Variants in DPP8 observed in about 807,000 individuals in gnomAD.
DPP8 encodes the protein DPP VIII.
A neutral mutation model predicts 107.5 loss-of-function variants in DPP8; 31 were observed. The observed-to-expected ratio is 0.29, with a 90% CI of 0.22 to 0.39. The LOEUF (loss-of-function observed/expected upper bound fraction) is 0.39, where lower values mean the gene tolerates loss of function less well. Ranked by LOEUF, DPP8 falls within the 10% of genes least tolerant of loss-of-function variation. The pLI, the probability that DPP8 is intolerant of heterozygous loss-of-function variation, is 1.00. For synonymous variants in DPP8, 381 were observed against 356.6 expected (o/e 1.07, Z -0.77); for missense variants, 842 against 1,076.1 (o/e 0.78, Z 3.04).
chr15:65,501,836 C>T (rs1162044770), intron 3 of DPP8, among the ~76,000 whole-genome samples: 1 of 152,188 alleles, frequency 6.6e-6, no homozygotes, highest in Non-Finnish European at 1.5e-5. Flanking sequence ...ACCCCAAAAC[C>T]TTGCTTGAAT....
chr15:65,468,265 T>G (rs1178147103), intron 12 of DPP8, among the ~76,000 whole-genome samples: 2 of 152,040 alleles, frequency 1.3e-5, no homozygotes, highest in Non-Finnish European at 2.9e-5. Context: ...GAGGCCGAAG[T>G]GAGAGGATCG....
At chr15:65,481,755 A>C (rs1044913442) in intron 8 of DPP8, 140 bp from the exon 9 acceptor site, 5 of 513,142 alleles carry the variant, frequency 9.7e-6, no homozygotes, top group Non-Finnish European at 1.3e-5. Context: ...AGGATATAGC[A>C]AATCTAGAAG....
chr15:65,486,363 T>C (rs181137059), intron 7 of DPP8, among the ~76,000 whole-genome samples: 1,670 of 151,360 alleles, frequency 0.011, 43 homozygotes, highest in African/African-American at 0.038. Context: ...GATTGTGCCA[T>C]TGCACTCCAG....
intron 11 of DPP8, chr15:65,475,742 TG>T: frequency 2.1e-6 from 1 of 475,210 alleles, no homozygotes; most frequent in Non-Finnish European, 3.9e-6. Context: ...AATGTCAACA[TG>T]CCCCATTTGT....
At chr15:65,490,908 C>T (rs2067964957) in intron 5 of DPP8, among the ~76,000 whole-genome samples, 1 of 152,016 alleles carries the variant, frequency 6.6e-6, no homozygotes, top group East Asian at 1.9e-4. Flanking sequence ...GCCTGTAATC[C>T]CAGCACTTTG....
Position 65,497,957 on chromosome 15 carries a change from C to G in DPP8, c.622G>C (p.Asp208His), listed in dbSNP as rs2068773641. The G allele has an allele frequency of 6.2e-7, 1 of 1,612,080 alleles. No homozygotes were observed. Among genetic ancestry groups the G allele is most frequent in the Non-Finnish European group, 8.5e-7 (1 of 1,178,692 alleles). The change falls in exon 5 of 20, where the codon GAT becomes CAT. Residue 208 changes from aspartate to histidine, a missense_variant. Asp to His is a moderately conservative substitution (Grantham distance 81). This residue lies in a region of DPP8 where 663 missense variants were observed against 758.0 expected (regional missense o/e 0.87). Coordinates refer to ENST00000300141, the MANE Select transcript of DPP8 (RefSeq NM_130434.5). ...TGTATAAAAGCAATCCAGTCTGGAT[C>G]AGCAGGGCATAATTTTGGATCCATC... is the stretch of plus-strand genomic sequence containing the variant. ...IRMDPKLCPA[D>H]PDWIAFIHSN...
chr15:65,481,083 C>CAAAA (rs61413262), intron 9 of DPP8, among the ~76,000 whole-genome samples: 32 of 147,516 alleles, frequency 2.2e-4, no homozygotes, highest in African/African-American at 7.7e-4. Context: ...GACCATGACT[C>CAAAA]AAAAAAAAAA....
At chr15:65,513,958 G>A (rs982666252) in intron 1 of DPP8, among the ~76,000 whole-genome samples, 3 of 152,088 alleles carry the variant, frequency 2.0e-5, no homozygotes, top group African/African-American at 7.2e-5. Flanking sequence ...TGTGGACTTG[G>A]GAGATAAACT....
intron 13 of DPP8, 86 bp downstream of exon 13, chr15:65,466,985 G>A (rs796920831): frequency 6.5e-6 from 10 of 1,531,118 alleles, no homozygotes; most frequent in African/African-American, 4.2e-5. Flanking sequence ...GGCTTTTGCA[G>A]GCCAATTTCA....
intron 11 of DPP8, among the ~76,000 whole-genome samples, 162 bp from the exon 12 acceptor site, chr15:65,474,450 T>G (rs534389611): frequency 6.6e-5 from 10 of 152,298 alleles, no homozygotes; most frequent in Admixed American, 1.3e-4. Flanking sequence ...GCATTGTGAA[T>G]GTACTAAATG....
intron 8 of DPP8, among the ~76,000 whole-genome samples, chr15:65,482,032 G>GTA (rs1199302447): frequency 8.0e-5 from 12 of 150,114 alleles, no homozygotes; most frequent in Admixed American, 7.3e-4. Flanking sequence ...GTGTGTGTGT[G>GTA]TATATATATA....
At chr15:65,467,724 G>C (rs76474809) in intron 12 of DPP8, among the ~76,000 whole-genome samples, 173 of 152,254 alleles carry the variant, frequency 1.1e-3, no homozygotes, top group African/African-American at 3.9e-3. Context: ...AAGGAAAAAG[G>C]ACACCTGAGT....
intron 17 of DPP8, 109 bp from the exon 18 acceptor site, chr15:65,452,211 C>T (rs906054628): frequency 7.7e-7 from 1 of 1,297,964 alleles, no homozygotes; most frequent in African/African-American, 1.5e-5. Flanking sequence ...TAAGCTTTAG[C>T]CTTACTACTG....
intron 12 of DPP8, among the ~76,000 whole-genome samples, chr15:65,473,238 T>A (rs566697606): frequency 2.0e-5 from 3 of 150,426 alleles, no homozygotes; most frequent in Non-Finnish European, 4.4e-5. Flanking sequence ...AGCAGGAGAA[T>A]TGCTTGAACC....
At position 65,477,442 on chromosome 15, in the gene DPP8, A is replaced by T. The variant is rs552142518; in HGVS notation, c.1456+1438T>A. Among the ~76,000 whole-genome samples the T allele has an allele frequency of 1.4e-3, 211 of 152,246 alleles. 1 individual carries two copies. The highest frequency in any genetic ancestry group is 4.7e-3 in the African/African-American group (194 of 41,576). ...AATTTAAAAAATGTATATATATATA[A>T]AAACATACTCAATGTCACTAAACTA... On this transcript the variant is annotated intron_variant, in intron 11 of 19. Transcript: ENST00000300141.
chr15:65,493,092 C>T (rs1175501585), intron 5 of DPP8, among the ~76,000 whole-genome samples: 1 of 150,788 alleles, frequency 6.6e-6, no homozygotes, highest in East Asian at 1.9e-4. Context: ...TTCTTTCTCT[C>T]TTTTTTTTTA....
intron 11 of DPP8, among the ~76,000 whole-genome samples, chr15:65,478,038 G>A (rs752439331): frequency 9.2e-5 from 14 of 151,964 alleles, no homozygotes; most frequent in African/African-American, 1.7e-4. Flanking sequence ...CATCCATTCC[G>A]TATTATATTT....
intron 12 of DPP8, among the ~76,000 whole-genome samples, chr15:65,468,862 AC>A (rs2140518640): frequency 6.6e-6 from 1 of 152,304 alleles, no homozygotes; most frequent in African/African-American, 2.4e-5. Context: ...CTTTCCTGTA[AC>A]TACTTAACAT....
intron 14 of DPP8, among the ~76,000 whole-genome samples, chr15:65,466,390 G>C (rs1196547893): frequency 1.3e-5 from 2 of 152,070 alleles, no homozygotes; most frequent in African/African-American, 4.8e-5. Flanking sequence ...CACCCGCCTT[G>C]GTCTCCCAAA....
Sources: allele counts gnomAD v4.1 joint callset (sites outside exome capture counted in the v4.1 genomes callset), GRCh38; gene constraint gnomAD v4.1.1; regional missense constraint gnomAD v4.1.1; transcripts MANE v1.5; gene names NCBI Gene and HGNC (gene_info 2026-07-23, HGNC 2026-07-21).